NASP: variants seen among roughly 807,000 people sequenced by gnomAD.
NASP encodes nuclear autoantigenic sperm protein, also known as NASP histone chaperone.
NASP carries 24 observed loss-of-function variants against 89.5 expected under a neutral mutation model. The observed-to-expected ratio is 0.27, with a 90% CI of 0.19 to 0.38. The LOEUF (loss-of-function observed/expected upper bound fraction) is 0.38. Ranked by LOEUF, NASP falls within the 10% of genes least tolerant of loss-of-function variation. NASP has a pLI of 1.00. For missense variants in NASP, 848 were observed against 921.4 expected (o/e 0.92, Z 1.03); for synonymous variants, 306 against 324.7 (o/e 0.94, Z 0.62).
At chr1:45,586,268 GTGTGTGTGTGTGTGTGGT>G (rs879630574) in intron 1 of NASP, among the ~76,000 whole-genome samples, 6,309 of 63,148 alleles carry the variant, frequency 0.1, 187 homozygotes, top group Non-Finnish European at 0.14. Context: ...GTGTGTGTGT[GTGTGTGTGTGTGTGTGGT>G]GTGTGTGTGT....
At chr1:45,595,824 T>G (rs907710189) in intron 2 of NASP, among the ~76,000 whole-genome samples, 2 of 152,238 alleles carry the variant, frequency 1.3e-5, no homozygotes. Flanking sequence ...TAAGGTAACC[T>G]GGCAAAATAG....
At position 45,618,064 on chromosome 1, in the gene NASP, G is replaced by T. The variant is rs1402425865; in HGVS notation, c.2290G>T (p.Glu764Ter). 1 of 1,600,018 alleles carries T rather than the reference G, an allele frequency of 6.2e-7. No homozygotes were observed. The highest frequency in any genetic ancestry group is 1.7e-5 in the Admixed American group (1 of 58,276). The change falls in exon 15 of 15, where the codon GAG becomes TAG. Residue 764 changes from glutamate (E) to a stop codon, truncating the protein, a stop_gained. Coordinates refer to ENST00000350030, the MANE Select transcript of NASP (RefSeq NM_002482.4). LOFTEE classifies it high-confidence loss of function. ...CCAGGTTCTGTTTGTCTTCCAGGCTGAGAATCAGGCTGAAAGCCGGGCAGC... is the reference window on the plus strand; with the variant it reads ...CCAGGTTCTGTTTGTCTTCCAGGCTTAGAATCAGGCTGAAAGCCGGGCAGC... ...EVSENMEEEA[E>*]NQAESRAAVE...
In NASP at chr1:45,591,267, A is replaced by G. The variant is rs140195987; in HGVS notation, c.104A>G (p.Glu35Gly). 2.1e-3 allele frequency: 3,202 copies of G among 1,537,576 alleles called. 4 individuals are homozygous for G. The highest frequency in any genetic ancestry group is 2.6e-3 in the Non-Finnish European group (2,932 of 1,139,214). ...PAPSTSADKV[E>G]SLDVDSEAKK... ...CCTTCTACATCTGCAGATAAAGTGG[A>G]GAGGTAAGATTATTTACATGGTAGT... The change falls in exon 2 of 15, where the codon GAG becomes GGG. Residue 35 changes from glutamate to glycine, a missense_variant. By Grantham distance (98) the Glu-to-Gly change is moderately conservative. Transcript: ENST00000350030.
At chr1:45,588,995 ATTAAATCCAT>A in intron 1 of NASP, 1 of 164,168 alleles carries the variant, frequency 6.1e-6, no homozygotes, top group African/African-American at 2.4e-5. Flanking sequence ...GAGTGTTTAT[ATTAAATCCAT>A]TAATCTATTC....
chr1:45,586,942 T>G (rs1644559422), intron 1 of NASP, among the ~76,000 whole-genome samples: 1 of 152,040 alleles, frequency 6.6e-6, no homozygotes, highest in African/African-American at 2.4e-5. Context: ...AAGCAATCCT[T>G]CCATCTCAGC....
Position 45,586,264 on chromosome 1 carries a change from GTGTGTGTGTGTGTGTGTGTGGTGT to G in NASP, c.59+2060_59+2083del, listed in dbSNP as rs1490327518. ...CGTGTGTGTGTGTGTGTGTGTGTGT[GTGTGTGTGTGTGTGTGTGTGGTGT>G]GTGTGTGTGTGTGTGTGTGTGGTGT... On this transcript the variant is annotated intron_variant, in intron 1 of 14. Transcript: ENST00000350030. Among the ~76,000 whole-genome samples the G allele has an allele frequency of 1.6e-3, 119 of 72,172 alleles. 1 individual carries two copies. The highest frequency in any genetic ancestry group is 6.2e-3 in the African/African-American group (111 of 17,976). 47.3% of individuals were successfully genotyped at this position (72,172 alleles called of 152,430 possible). A position where few individuals can be genotyped will look rare whatever the true frequency, so the allele number is the denominator to read the frequency against.
intron 2 of NASP, among the ~76,000 whole-genome samples, chr1:45,599,398 T>G (rs1643779469): frequency 6.7e-6 from 1 of 149,348 alleles, no homozygotes; most frequent in African/African-American, 2.5e-5. Flanking sequence ...TGAGCCACCA[T>G]GCTCAGCCTT....
chr1:45,617,434 T>C (rs758015600), intron 13 of NASP, 29 bp from the exon 14 acceptor site: 1 of 1,602,124 alleles, frequency 6.2e-7, no homozygotes. Flanking sequence ...TTAAGCACAT[T>C]TGTGAAGCCT....
chr1:45,615,134 C>T lies in NASP; in HGVS notation c.1788C>T (p.Tyr596=). 2 of 1,614,148 alleles carry T rather than the reference C, an allele frequency of 1.2e-6. No homozygotes were observed. The highest frequency in any genetic ancestry group is 1.7e-6 in the Non-Finnish European group (2 of 1,180,036). The change falls in exon 10 of 15, where the codon TAC becomes TAT. Residue 596 remains tyrosine, a synonymous_variant. Transcript: ENST00000350030. The stretch of plus-strand genomic sequence containing the variant: ...ACCAGCTGGGCTTGGCTTATGGGTA[C>T]AACTCTCAGTATGATGAGGCAGTGG... ...THYQLGLAYG[Y]NSQYDEAVAQ...
At chr1:45,584,535 C>T (rs960375157) in intron 1 of NASP, among the ~76,000 whole-genome samples, 5 of 152,196 alleles carry the variant, frequency 3.3e-5, no homozygotes, top group African/African-American at 7.2e-5. Context: ...CCCTGGCGCG[C>T]GGGTTGGCCT....
At chr1:45,593,553 A>C (rs1191353400) in intron 2 of NASP, among the ~76,000 whole-genome samples, 1 of 151,362 alleles carries the variant, frequency 6.6e-6, no homozygotes, top group African/African-American at 2.4e-5. Flanking sequence ...AAAAAAAAAA[A>C]AACTCCGAGA....
intron 6 of NASP, chr1:45,610,092 G>C (rs921584621): frequency 1.3e-5 from 2 of 152,160 alleles, no homozygotes; most frequent in African/African-American, 4.8e-5. Flanking sequence ...CCAGCTACTT[G>C]GGAGGCTGAA....
intron 2 of NASP, among the ~76,000 whole-genome samples, chr1:45,591,772 A>T (rs889138754): frequency 2.6e-5 from 4 of 152,182 alleles, no homozygotes; most frequent in African/African-American, 9.7e-5. Flanking sequence ...ATAATAATTA[A>T]CTAAAAAGCT....
At chr1:45,586,806 T>C (rs372394924) in intron 1 of NASP, among the ~76,000 whole-genome samples, 1 of 152,010 alleles carries the variant, frequency 6.6e-6, no homozygotes. Context: ...AAAGAATAAA[T>C]ATAACTTCCA....
chr1:45,586,275 T>TG lies in NASP; in HGVS notation c.59+2071dup, dbSNP rs1441932786. ...GTGTGTGTGTGTGTGTGTGTGTGTG[T>TG]GTGTGTGTGGTGTGTGTGTGTGTGT... is the stretch of plus-strand genomic sequence containing the variant. On this transcript the variant is annotated intron_variant, in intron 1 of 14. Transcript: ENST00000350030. 5.8e-4 allele frequency among the ~76,000 whole-genome samples: 29 copies of TG among 50,202 alleles called. No homozygotes were observed. The East Asian group carries it at 7.2e-3, about 13-fold the overall frequency. The allele number at this position is 50,202 out of a possible 152,430, so 32.9% of individuals were successfully genotyped here.
At chr1:45,607,108 G>A (rs772523593) in intron 5 of NASP, among the ~76,000 whole-genome samples, 13 of 152,152 alleles carry the variant, frequency 8.5e-5, no homozygotes, top group Admixed American at 2.6e-4. Flanking sequence ...ACAATACCTA[G>A]TGTAACAAGC....
chr1:45,594,841 A>G, intron 2 of NASP: 6 of 370,018 alleles, frequency 1.6e-5, no homozygotes, highest in South Asian at 1.1e-4. Context: ...ATTCTGAGAG[A>G]AACATGAAGG....
At chr1:45,602,127 T>C in intron 2 of NASP, 128 bp from the exon 3 acceptor site, 1 of 1,091,690 alleles carries the variant, frequency 9.2e-7, no homozygotes. Flanking sequence ...TAAATAAGTG[T>C]GTTAGCCAGG....
chr1:45,600,417 G>C (rs1643811740), intron 2 of NASP: 1 of 1,290,972 alleles, frequency 7.7e-7, no homozygotes, highest in Non-Finnish European at 1.0e-6. Context: ...CACTGAAGAT[G>C]GGTTGCATTT....
Sources: gnomAD v4.1 joint callset for allele counts (sites outside exome capture counted in the v4.1 genomes callset) on GRCh38, gnomAD v4.1.1 for gene constraint, MANE v1.5 for transcripts, NCBI Gene and HGNC (gene_info 2026-07-23, HGNC 2026-07-21) for gene names.